Variants in PCCA observed in about 807,000 individuals in gnomAD.
The protein encoded by PCCA is propionyl-CoA carboxylase subunit alpha.
Under a neutral mutation model 101.3 loss-of-function variants are expected in PCCA, and 74 were observed. The ratio of observed to expected loss-of-function variants is 0.73; its 90% CI spans 0.61 to 0.89. The LOEUF is 0.89. Ranked by LOEUF, PCCA falls within the 40% of genes least tolerant of loss-of-function variation. The pLI, the probability that PCCA is intolerant of heterozygous loss-of-function variation, is 0.00. For missense variants in PCCA, 891 were observed against 907.0 expected, an observed-to-expected ratio of 0.98 and a Z score of 0.23; for synonymous variants, 294 against 313.6, an observed-to-expected ratio of 0.94 and a Z score of 0.66.
chr13:100,459,375 G>C (rs1186327284), intron 21 of PCCA, among the ~76,000 whole-genome samples: 1 of 152,122 alleles, frequency 6.6e-6, no homozygotes, highest in African/African-American at 2.4e-5. Flanking sequence ...AAGTGACTGA[G>C]GCAACTTACC....
intron 21 of PCCA, among the ~76,000 whole-genome samples, chr13:100,474,202 A>G (rs1167733374): frequency 1.3e-5 from 2 of 152,210 alleles, no homozygotes; most frequent in African/African-American, 2.4e-5. Flanking sequence ...AACTGTCATA[A>G]ACTAAACCTC....
At chr13:100,336,113 T>C (rs1401043312) in intron 17 of PCCA, among the ~76,000 whole-genome samples, 1 of 151,878 alleles carries the variant, frequency 6.6e-6, no homozygotes, top group Non-Finnish European at 1.5e-5. Context: ...AAATACAAAA[T>C]TAGCCGGGCA....
At chr13:100,241,780 T>C (rs1375418774) in intron 8 of PCCA, among the ~76,000 whole-genome samples, 1 of 152,176 alleles carries the variant, frequency 6.6e-6, no homozygotes, top group Non-Finnish European at 1.5e-5. Context: ...TATTTATTCA[T>C]CTATTGATGG....
rs751083923 is a variant in PCCA, at chr13:100,425,705, G to T, written c.1819G>T (p.Val607Phe). ...GGCTTCGCCCTTATTGTCTGTCAGC[G>T]TTGATGGCACTCAGAGGACTGTCCA... ...NLASPLLSVS[V>F]DGTQRTVQCL... Residue 607 changes from valine to phenylalanine, a missense_variant, in exon 20 of 24, where the codon GTT (valine) becomes TTT (phenylalanine). Transcript: ENST00000376285. The T allele has an allele frequency of 3.7e-6, 6 of 1,613,522 alleles. No individual in the cohort carries two copies. Among genetic ancestry groups the T allele is most frequent in the Non-Finnish European group, 5.1e-6 (6 of 1,179,430 alleles).
chr13:100,275,278 G>T (rs2152600960), intron 12 of PCCA, among the ~76,000 whole-genome samples: 1 of 152,258 alleles, frequency 6.6e-6, no homozygotes, highest in African/African-American at 2.4e-5. Context: ...GCCCTGGTTA[G>T]CCCTACCATG....
At chr13:100,448,212 C>A (rs1037624061) in intron 20 of PCCA, among the ~76,000 whole-genome samples, 1 of 152,088 alleles carries the variant, frequency 6.6e-6, no homozygotes, top group African/African-American at 2.4e-5. Context: ...TTTTTTGAGA[C>A]GGAGTCTCAC....
At position 100,147,010 on chromosome 13, in the gene PCCA, TA is replaced by T. The variant is rs36028025; in HGVS notation, c.301-7955del. Among the ~76,000 whole-genome samples, 81 of 140,958 alleles carry T rather than the reference TA, an allele frequency of 5.7e-4. 1 individual carries two copies. The highest frequency in any genetic ancestry group is 9.1e-4 in the Admixed American group (13 of 14,308). The allele number at this position is 140,958 out of a possible 152,430, so 92.5% of individuals were successfully genotyped here. On this transcript the variant is annotated intron_variant, in intron 4 of 23. Coordinates refer to ENST00000376285, the MANE Select transcript of PCCA (RefSeq NM_000282.4). ...AGTTAAAAATTATGAGGTAGAATTCTAAAAAAAAAAAAAACTGAGTGATAAA... is the reference window on the plus strand; with the variant it reads ...AGTTAAAAATTATGAGGTAGAATTCTAAAAAAAAAAAAACTGAGTGATAAA...
chr13:100,112,133 C>CT, intron 4 of PCCA, 72 bp downstream of exon 4: 2 of 1,057,330 alleles, frequency 1.9e-6, no homozygotes, highest in Non-Finnish European at 2.9e-6. Context: ...GACATACAGG[C>CT]TTTTTTTCTT....
In PCCA at chr13:100,268,751, A is replaced by G; in HGVS notation, c.882A>G (p.Arg294=). ...WLNERECSIQ[R]RNQKVVEEAP... is the part of the protein sequence containing the mutation. Reference sequence around the variant, plus strand: ...ATGAAAGAGAGTGCTCAATTCAGAGAAGAAATCAGAAGGTGGTGGAGGAAG... The same window carrying G: ...ATGAAAGAGAGTGCTCAATTCAGAGGAGAAATCAGAAGGTGGTGGAGGAAG... Residue 294 remains arginine (R), a synonymous_variant, in exon 11 of 24, where the codon AGA becomes AGG. Transcript: ENST00000376285. 1 of 1,614,078 alleles carries G rather than the reference A, an allele frequency of 6.2e-7. No homozygotes were observed. Among genetic ancestry groups the G allele is most frequent in the South Asian group, 1.1e-5 (1 of 91,076 alleles).
chr13:100,327,930 A>G (rs1232755894), intron 16 of PCCA, among the ~76,000 whole-genome samples: 1 of 152,138 alleles, frequency 6.6e-6, no homozygotes, highest in Non-Finnish European at 1.5e-5. Context: ...CTTGTTCAAT[A>G]TATGTATTGT....
chr13:100,098,137 G>A (rs1199860543), intron 1 of PCCA, among the ~76,000 whole-genome samples: 1 of 152,012 alleles, frequency 6.6e-6, no homozygotes, highest in East Asian at 1.9e-4. Flanking sequence ...GCTGCCATGG[G>A]CTATAATTGT....
chr13:100,240,015 T>C (rs1450812533), intron 8 of PCCA, among the ~76,000 whole-genome samples: 1 of 152,154 alleles, frequency 6.6e-6, no homozygotes, highest in East Asian at 1.9e-4. Context: ...TTATATACAC[T>C]GTCTTCATTA....
At chr13:100,474,708 C>T (rs182254381) in intron 21 of PCCA, among the ~76,000 whole-genome samples, 12 of 151,560 alleles carry the variant, frequency 7.9e-5, no homozygotes, top group Admixed American at 6.6e-4. Context: ...AGGCTGGTCT[C>T]GAACTCCTAG....
At chr13:100,095,486 G>A (rs1337504569) in intron 1 of PCCA, among the ~76,000 whole-genome samples, 3 of 152,176 alleles carry the variant, frequency 2.0e-5, no homozygotes, top group African/African-American at 4.8e-5. Context: ...AAGTGCTCTC[G>A]AAGGAAAAAG....
At chr13:100,369,272 T>C (rs1236092870) in intron 19 of PCCA, among the ~76,000 whole-genome samples, 1 of 152,222 alleles carries the variant, frequency 6.6e-6, no homozygotes, top group Non-Finnish European at 1.5e-5. Flanking sequence ...ATATTCTGTT[T>C]ATCTACATTT....
At chr13:100,326,516 T>C (rs767961623) in intron 16 of PCCA, among the ~76,000 whole-genome samples, 3 of 152,150 alleles carry the variant, frequency 2.0e-5, no homozygotes, top group Non-Finnish European at 4.4e-5. Flanking sequence ...TGAAATCATA[T>C]AGAAACATTT....
intron 4 of PCCA, among the ~76,000 whole-genome samples, chr13:100,126,124 G>A (rs1323994376): frequency 1.3e-5 from 2 of 152,124 alleles, no homozygotes; most frequent in Non-Finnish European, 2.9e-5. Flanking sequence ...TGCCTGTCAG[G>A]TTGTGTATTT....
chr13:100,339,887 A>T (rs2071042326), intron 17 of PCCA, among the ~76,000 whole-genome samples: 1 of 152,004 alleles, frequency 6.6e-6, no homozygotes, highest in East Asian at 1.9e-4. Context: ...TTTCTTTTTA[A>T]TTGTCTTTGT....
At chr13:100,481,097 A>G (rs1289113621) in intron 21 of PCCA, 1 of 152,114 alleles carries the variant, frequency 6.6e-6, no homozygotes, top group African/African-American at 2.4e-5. Context: ...TCACAATTTC[A>G]TGGATAGAAG....
Sources: allele counts gnomAD v4.1 joint callset (sites outside exome capture counted in the v4.1 genomes callset), GRCh38; gene constraint gnomAD v4.1.1; transcripts MANE v1.5; gene names NCBI Gene and HGNC (gene_info 2026-07-23, HGNC 2026-07-21).